MYRIP: variants seen among roughly 807,000 people sequenced by gnomAD.
The protein encoded by MYRIP is rab effector MyRIP.
A neutral mutation model predicts 98.0 loss-of-function variants in MYRIP; 49 were observed. That is an observed-to-expected ratio of 0.50 (90% CI 0.40 to 0.63). The LOEUF is 0.63. Among genes scored for constraint, MYRIP ranks in the 30% least tolerant of loss-of-function variants. MYRIP has a pLI of 0.00. For synonymous variants in MYRIP, 404 were observed against 409.5 expected, an observed-to-expected ratio of 0.99 and a Z score of 0.16; for missense variants, 1,004 against 1,058.2, an observed-to-expected ratio of 0.95 and a Z score of 0.71.
chr3:39,819,680 C>T (rs1941044535), intron 1 of MYRIP, among the ~76,000 whole-genome samples: 1 of 152,192 alleles, frequency 6.6e-6, no homozygotes, highest in South Asian at 2.1e-4. Flanking sequence ...AACAGCGTGA[C>T]ACCACCAGAG....
At chr3:39,814,281 G>A (rs1019192149) in intron 1 of MYRIP, among the ~76,000 whole-genome samples, 3 of 152,150 alleles carry the variant, frequency 2.0e-5, no homozygotes, top group Non-Finnish European at 4.4e-5. Flanking sequence ...GTATTAATCA[G>A]ATGTTTTGAT....
At chr3:39,859,110 G>GAAA (rs3062463) in intron 1 of MYRIP, among the ~76,000 whole-genome samples, 1 of 132,374 alleles carries the variant, frequency 7.6e-6, no homozygotes. Context: ...TTGGTTTTTT[G>GAAA]AAAAAAAAAA....
chr3:40,234,149 C>T, intron 12 of MYRIP, 96 bp downstream of exon 12: 1 of 1,194,244 alleles, frequency 8.4e-7, no homozygotes, highest in Non-Finnish European at 1.2e-6. Flanking sequence ...AGGACACACA[C>T]ATACACACAC....
chr3:40,162,473 T>C (rs1206030600), intron 4 of MYRIP, among the ~76,000 whole-genome samples: 2 of 152,216 alleles, frequency 1.3e-5, no homozygotes, highest in African/African-American at 4.8e-5. Context: ...TGACTCCATA[T>C]TGCCTGCAAA....
intron 3 of MYRIP, among the ~76,000 whole-genome samples, chr3:40,109,782 C>T (rs1037297470): frequency 5.9e-5 from 9 of 152,230 alleles, no homozygotes; most frequent in African/African-American, 2.2e-4. Context: ...GACCACTGCA[C>T]ACTCCCCTAG....
At chr3:40,047,890 A>T (rs1947703849) in intron 3 of MYRIP, among the ~76,000 whole-genome samples, 1 of 152,172 alleles carries the variant, frequency 6.6e-6, no homozygotes, top group Non-Finnish European at 1.5e-5. Flanking sequence ...CAAACTGTGT[A>T]ACCCATCAAC....
intron 12 of MYRIP, among the ~76,000 whole-genome samples, chr3:40,243,827 T>C (rs1214320156): frequency 1.3e-5 from 2 of 152,352 alleles, no homozygotes; most frequent in East Asian, 1.9e-4. Context: ...CTCTTATTTT[T>C]AACAGCTCTC....
intron 2 of MYRIP, among the ~76,000 whole-genome samples, chr3:39,994,579 G>A (rs1264725573): frequency 6.6e-6 from 1 of 152,218 alleles, no homozygotes; most frequent in Non-Finnish European, 1.5e-5. Context: ...GCTCAAGGAG[G>A]CCTGCCTGCC....
intron 3 of MYRIP, among the ~76,000 whole-genome samples, chr3:40,105,919 T>C (rs1236353238): frequency 6.6e-6 from 1 of 152,110 alleles, no homozygotes; most frequent in African/African-American, 2.4e-5. Flanking sequence ...GTGGGGATTA[T>C]GGGGATTACA....
intron 2 of MYRIP, among the ~76,000 whole-genome samples, chr3:40,038,719 G>A (rs944162646): frequency 8.6e-5 from 13 of 151,566 alleles, no homozygotes; most frequent in South Asian, 2.1e-4. Context: ...TATGGGGACA[G>A]GGGAAGGAGA....
At chr3:39,820,459 C>T (rs1207857440) in intron 1 of MYRIP, among the ~76,000 whole-genome samples, 1 of 152,108 alleles carries the variant, frequency 6.6e-6, no homozygotes, top group Non-Finnish European at 1.5e-5. Context: ...TCTGACTTCC[C>T]CTTGAAAACC....
chr3:39,854,050 T>C (rs1222744948), intron 1 of MYRIP, among the ~76,000 whole-genome samples: 3 of 152,162 alleles, frequency 2.0e-5, no homozygotes, highest in Non-Finnish European at 4.4e-5. Flanking sequence ...TGTTGAAGAT[T>C]AGTTGGCTGT....
At chr3:40,152,383 G>A (rs1160158882) in intron 4 of MYRIP, among the ~76,000 whole-genome samples, 1 of 152,012 alleles carries the variant, frequency 6.6e-6, no homozygotes, top group East Asian at 1.9e-4. Flanking sequence ...AGATCTCGTA[G>A]GTGTTCTTTA....
At chr3:40,033,875 C>T (rs1323231079) in intron 2 of MYRIP, among the ~76,000 whole-genome samples, 13 of 152,094 alleles carry the variant, frequency 8.5e-5, no homozygotes, top group African/African-American at 2.9e-4. Flanking sequence ...AAAACAGAGA[C>T]ATAGATCAAT....
intron 3 of MYRIP, among the ~76,000 whole-genome samples, chr3:40,140,685 G>T (rs1949873583): frequency 6.6e-6 from 1 of 151,810 alleles, no homozygotes; most frequent in African/African-American, 2.4e-5. Flanking sequence ...ACCTTATTGT[G>T]GTCTTGATTT....
intron 3 of MYRIP, among the ~76,000 whole-genome samples, chr3:40,078,461 G>A (rs1419522296): frequency 6.6e-6 from 1 of 152,226 alleles, no homozygotes; most frequent in East Asian, 1.9e-4. Context: ...TGTGAGGACT[G>A]CCAGCACGCT....
Position 39,891,882 on chromosome 3 carries a change from T to G in MYRIP, c.-30-8905T>G, listed in dbSNP as rs1317453374. ...TAAATTTTAGGACTACTAACCATTTTTCTTATGTTACACATACCTTTTCTG... is the reference window on the plus strand; with the variant it reads ...TAAATTTTAGGACTACTAACCATTTGTCTTATGTTACACATACCTTTTCTG... On this transcript the variant is annotated intron_variant, in intron 1 of 16. Coordinates refer to ENST00000302541, the MANE Select transcript of MYRIP (RefSeq NM_015460.4). 2.0e-5 allele frequency among the ~76,000 whole-genome samples: 3 copies of G among 151,448 alleles called. No homozygotes were observed. The East Asian group carries it at 5.8e-4, about 29-fold the overall frequency.
In MYRIP at chr3:39,960,617, G is replaced by A. The variant is rs148917960; in HGVS notation, c.110+59691G>A. Reference sequence around the variant, plus strand: ...CAGCACTATTTCTACAGTTAAACTAGCATGACTAGCTTATAAATCAAAGCA... The same window carrying A: ...CAGCACTATTTCTACAGTTAAACTAACATGACTAGCTTATAAATCAAAGCA... On this transcript the variant is annotated intron_variant, in intron 2 of 16. Coordinates refer to ENST00000302541, the MANE Select transcript of MYRIP (RefSeq NM_015460.4). Among the ~76,000 whole-genome samples the A allele has an allele frequency of 1.1e-4, 17 of 152,236 alleles. No individual in the cohort carries two copies. The East Asian group carries it at 3.1e-3, about 28-fold the overall frequency.
chr3:39,906,598 A>T (rs28638064), intron 2 of MYRIP, among the ~76,000 whole-genome samples: 2 of 152,206 alleles, frequency 1.3e-5, no homozygotes, highest in Admixed American at 6.5e-5. Context: ...GACTTTTTCC[A>T]TACCTTTATT....
Sources: gnomAD v4.1 joint callset for allele counts (sites outside exome capture counted in the v4.1 genomes callset) on GRCh38, gnomAD v4.1.1 for gene constraint, MANE v1.5 for transcripts, NCBI Gene and HGNC (gene_info 2026-07-23, HGNC 2026-07-21) for gene names.